Variants in ARHGAP39 observed in about 807,000 individuals in gnomAD.
ARHGAP39 encodes the protein rho GTPase-activating protein 39.
In ARHGAP39, 44 loss-of-function variants were observed where a neutral mutation model predicts 106.9. That is an observed-to-expected ratio of 0.41 (90% CI 0.32 to 0.53). The LOEUF (loss-of-function observed/expected upper bound fraction) is 0.53. Ranked by LOEUF, ARHGAP39 falls within the 20% of genes least tolerant of loss-of-function variation. The pLI is 0.21. For missense variants in ARHGAP39, 1,496 were observed against 1,577.3 expected (o/e 0.95, Z 0.87); for synonymous variants, 768 against 693.2 (o/e 1.11, Z -1.69).
intron 2 of ARHGAP39, among the ~76,000 whole-genome samples, chr8:144,596,593 C>T (rs1188263649): frequency 6.6e-6 from 1 of 152,186 alleles, no homozygotes; most frequent in East Asian, 1.9e-4. Context: ...GGGTGCTGCG[C>T]GGGGGCAGAG....
upstream of ARHGAP39, among the ~76,000 whole-genome samples, chr8:144,689,904 C>A (rs1324116635): frequency 6.6e-6 from 1 of 151,626 alleles, no homozygotes; most frequent in Non-Finnish European, 1.5e-5. Context: ...TGCCACCATG[C>A]CCAGCTAATT....
At chr8:144,615,801 C>T (rs1214742431) in intron 1 of ARHGAP39, among the ~76,000 whole-genome samples, 6 of 152,258 alleles carry the variant, frequency 3.9e-5, no homozygotes, top group East Asian at 3.9e-4. Context: ...CCATTCTCCC[C>T]GCCCAGTGCC....
chr8:144,663,062 A>AC (rs1821874805), intron 1 of ARHGAP39, among the ~76,000 whole-genome samples: 1 of 50,526 alleles, frequency 2.0e-5, no homozygotes, highest in Non-Finnish European at 3.8e-5. Context: ...GTCACTCCCC[A>AC]CCCCCCATTA....
Position 144,646,777 on chromosome 8 carries a change from C to A in ARHGAP39, c.-82+38909G>T, listed in dbSNP as rs138494740. 3.4e-4 allele frequency among the ~76,000 whole-genome samples: 52 copies of A among 152,278 alleles called. No homozygotes were observed. The highest frequency in any genetic ancestry group is 7.2e-4 in the Admixed American group (11 of 15,306). ...ACCCTCGCTGGGCCCAGAGTCCAAG[C>A]GGGCCATGGCCCTGGCACTGCACGT... is the stretch of plus-strand genomic sequence containing the variant. On this transcript the variant is annotated intron_variant, in intron 1 of 11. Transcript: ENST00000377307. This position sits in a 1 kb window ranked among gnomAD's most constrained non-coding sequence, Gnocchi z 5.7.
At chr8:144,533,800 C>CA (rs1564833473) in intron 8 of ARHGAP39, among the ~76,000 whole-genome samples, 1 of 152,168 alleles carries the variant, frequency 6.6e-6, no homozygotes, top group African/African-American at 2.4e-5. Context: ...AGCAGCGCAT[C>CA]AGAGAGAAGA....
At position 144,644,588 on chromosome 8, in the gene ARHGAP39, G is replaced by A. The variant is rs957549265; in HGVS notation, c.-81-38893C>T. Among the ~76,000 whole-genome samples the A allele has an allele frequency of 2.6e-5, 4 of 152,180 alleles. No individual in the cohort carries two copies. Among genetic ancestry groups the A allele is most frequent in the African/African-American group, 9.7e-5 (4 of 41,440 alleles). On this transcript the variant is annotated intron_variant, in intron 1 of 11. Transcript: ENST00000377307. This position sits in a 1 kb window ranked among gnomAD's most constrained non-coding sequence, Gnocchi z 4.8. ...TGCCAAATGCACGCCGGCTCGTGGC[G>A]GCACCCCTTCCGGCTTCCACCATGC...
intron 3 of ARHGAP39, among the ~76,000 whole-genome samples, chr8:144,563,796 AAT>A (rs1818294356): frequency 6.6e-6 from 1 of 151,046 alleles, no homozygotes; most frequent in Non-Finnish European, 1.5e-5. Flanking sequence ...ATCTAAAAAA[AAT>A]AATAATAAAA....
chr8:144,678,174 G>A (rs1822292296), intron 1 of ARHGAP39, among the ~76,000 whole-genome samples: 1 of 152,188 alleles, frequency 6.6e-6, no homozygotes, highest in African/African-American at 2.4e-5. Context: ...GGAGGCCGAG[G>A]TGGGAGGATC....
intron 6 of ARHGAP39, among the ~76,000 whole-genome samples, chr8:144,544,388 A>G (rs569682455): frequency 2.6e-5 from 4 of 152,346 alleles, no homozygotes; most frequent in Admixed American, 2.6e-4. Flanking sequence ...CAGGGGCTCA[A>G]TCTCTGCAGA....
intron 2 of ARHGAP39, among the ~76,000 whole-genome samples, chr8:144,602,886 TGTGA>T (rs1213505916): frequency 1.7e-5 from 2 of 117,066 alleles, no homozygotes; most frequent in African/African-American, 3.4e-5. Flanking sequence ...GTGTGGTGTG[TGTGA>T]GAGCTCATGT....
At chr8:144,683,819 A>G (rs1196060300) in intron 1 of ARHGAP39, among the ~76,000 whole-genome samples, 1 of 151,080 alleles carries the variant, frequency 6.6e-6, no homozygotes, top group East Asian at 1.9e-4. Flanking sequence ...TCCAGTTTAC[A>G]TTACATTGGC....
chr8:144,697,876 C>A, the ARHGAP39 span, among the ~76,000 whole-genome samples: 1 of 152,128 alleles, frequency 6.6e-6, no homozygotes, highest in Non-Finnish European at 1.5e-5. Flanking sequence ...CCATACTTGG[C>A]CATGGCATAT....
At chr8:144,544,480 G>A (rs1020602757) in intron 6 of ARHGAP39, among the ~76,000 whole-genome samples, 7 of 152,208 alleles carry the variant, frequency 4.6e-5, no homozygotes, top group Non-Finnish European at 1.0e-4. Flanking sequence ...GTGTGCGTGC[G>A]TGCATGTGTG....
At chr8:144,687,882 T>A (rs1172165510), upstream of ARHGAP39, among the ~76,000 whole-genome samples, 1 of 131,406 alleles carries the variant, frequency 7.6e-6, no homozygotes, top group African/African-American at 2.8e-5. Context: ...ACCACACATT[T>A]ACAGTGAACA....
At chr8:144,599,815 C>G (rs1252986179) in intron 2 of ARHGAP39, among the ~76,000 whole-genome samples, 1 of 152,188 alleles carries the variant, frequency 6.6e-6, no homozygotes, top group Non-Finnish European at 1.5e-5. Context: ...CAAATGAACC[C>G]TGGCTTTTTT....
At chr8:144,687,918 G>A (rs911489668), upstream of ARHGAP39, among the ~76,000 whole-genome samples, 78 of 127,254 alleles carry the variant, frequency 6.1e-4, no homozygotes, top group African/African-American at 2.3e-3. Context: ...CCACACACTG[G>A]CGGTGAGCAC....
chr8:144,621,360 C>A (rs567894161), intron 1 of ARHGAP39, among the ~76,000 whole-genome samples: 1 of 152,252 alleles, frequency 6.6e-6, no homozygotes, highest in Non-Finnish European at 1.5e-5. Context: ...GGCCCTCAAA[C>A]GCAGCTTGCC....
In ARHGAP39 at chr8:144,649,941, G is replaced by A. The variant is rs942595313; in HGVS notation, c.-82+35745C>T. ...AGGCGGATCACAAGGTCAGGAGTTCGAGACCAGCCTGGCCAACATGGTGAA... is the reference window on the plus strand; with the variant it reads ...AGGCGGATCACAAGGTCAGGAGTTCAAGACCAGCCTGGCCAACATGGTGAA... On this transcript the variant is annotated intron_variant, in intron 1 of 11. Transcript: ENST00000377307. 5.9e-5 allele frequency among the ~76,000 whole-genome samples: 9 copies of A among 151,986 alleles called. No homozygotes were observed. In the South Asian group the frequency reaches 1.0e-3, roughly 18 times the overall value.
At chr8:144,653,414 T>C (rs888868506) in intron 1 of ARHGAP39, among the ~76,000 whole-genome samples, 2 of 152,186 alleles carry the variant, frequency 1.3e-5, no homozygotes, top group Non-Finnish European at 2.9e-5. Context: ...CATCAAGTTA[T>C]AAACACGCAC....
Sources: gnomAD v4.1 joint callset for allele counts (sites outside exome capture counted in the v4.1 genomes callset) on GRCh38, gnomAD v4.1.1 for gene constraint, Gnocchi (gnomAD v3.1) non-coding constraint, MANE v1.5 for transcripts, NCBI Gene and HGNC (gene_info 2026-07-23, HGNC 2026-07-21) for gene names.